The following NTM variants were observed in gnomAD, a reference collection of about 807,000 sequenced individuals.
NTM encodes IgLON family member 2.
Under a neutral mutation model 42.1 loss-of-function variants are expected in NTM, and 13 were observed. The observed-to-expected ratio is 0.31, with a 90% CI of 0.20 to 0.49. The LOEUF is 0.49. NTM is among the 20% of genes least tolerant of loss of function. The probability of loss-of-function intolerance (pLI) is 0.99; values close to 1 mark genes in which losing one functional copy is unlikely to be tolerated. For missense variants in NTM, 373 were observed against 452.8 expected, an observed-to-expected ratio of 0.82 and a Z score of 1.60; for synonymous variants, 187 against 179.2, an observed-to-expected ratio of 1.04 and a Z score of -0.35.
Position 132,244,001 on chromosome 11 carries a change from G to C in NTM, c.526+31854G>C, listed in dbSNP as rs73040288. 1.3e-4 allele frequency among the ~76,000 whole-genome samples: 20 copies of C among 152,322 alleles called. No homozygotes were observed. The South Asian group carries it at 4.1e-3, about 32-fold the overall frequency. Reference sequence around the variant, plus strand: ...GCCATCCCGTCTCATGGGCTCTCATGATGGGCTCATCAGGTTCTTGAATTC... The same window carrying C: ...GCCATCCCGTCTCATGGGCTCTCATCATGGGCTCATCAGGTTCTTGAATTC... On this transcript the variant is annotated intron_variant, in intron 4 of 8. Coordinates refer to ENST00000683400, the MANE Select transcript of NTM (RefSeq NM_001352005.2).
At chr11:132,303,694 G>T (rs1191692798) in intron 4 of NTM, among the ~76,000 whole-genome samples, 1 of 140,132 alleles carries the variant, frequency 7.1e-6, no homozygotes, top group Non-Finnish European at 1.5e-5. Context: ...GATAGATAGG[G>T]CACAGCTTTC....
At chr11:132,073,741 A>G (rs375458596) in intron 2 of NTM, among the ~76,000 whole-genome samples, 10 of 152,170 alleles carry the variant, frequency 6.6e-5, no homozygotes, top group Non-Finnish European at 1.5e-4. Context: ...CGGAGGTCAG[A>G]GTAAATCCTG....
intron 1 of NTM, among the ~76,000 whole-genome samples, chr11:131,506,669 C>T (rs1301806545): frequency 6.6e-6 from 1 of 152,146 alleles, no homozygotes; most frequent in African/African-American, 2.4e-5. Flanking sequence ...CAGGGCACAG[C>T]CCTAGGGCCT....
At position 132,104,617 on chromosome 11, in the gene NTM, C is replaced by CATA. The variant is rs59478253; in HGVS notation, c.168-41653_168-41651dup. Reference sequence around the variant, plus strand: ...AATAATAATAACTAATAGTAATAATCATAATAATAATAATGGGTGTGGTAG... The same window carrying CATA: ...AATAATAATAACTAATAGTAATAATCATAATAATAATAATAATGGGTGTGGTAG... On this transcript the variant is annotated intron_variant, in intron 2 of 8. Coordinates refer to ENST00000683400, the MANE Select transcript of NTM (RefSeq NM_001352005.2). 8.0e-4 allele frequency among the ~76,000 whole-genome samples: 118 copies of CATA among 148,142 alleles called. 1 individual carries two copies. Among genetic ancestry groups the CATA allele is most frequent in the Non-Finnish European group, 1.0e-3 (69 of 67,408 alleles).
chr11:131,569,027 C>G (rs532781950), intron 1 of NTM, among the ~76,000 whole-genome samples: 1 of 152,176 alleles, frequency 6.6e-6, no homozygotes, highest in Non-Finnish European at 1.5e-5. Flanking sequence ...AGAACATTTT[C>G]GTTATCCAGA....
chr11:131,911,329 T>C, intron 1 of NTM: 1 of 1,474,570 alleles, frequency 6.8e-7, no homozygotes, highest in African/African-American at 1.4e-5. Context: ...CTCGGAGGAG[T>C]CTGCGCGCTT....
At chr11:132,286,661 G>C (rs956181338) in intron 4 of NTM, among the ~76,000 whole-genome samples, 3 of 152,088 alleles carry the variant, frequency 2.0e-5, no homozygotes, top group Non-Finnish European at 4.4e-5. Context: ...GGGGATATTC[G>C]AATATGCATG....
At chr11:131,937,446 G>T (rs1241815140) in intron 2 of NTM, among the ~76,000 whole-genome samples, 2 of 152,194 alleles carry the variant, frequency 1.3e-5, no homozygotes, top group Admixed American at 6.5e-5. Flanking sequence ...ACAGGTATTG[G>T]TGGGTGGGGG....
At chr11:131,428,238 C>T (rs1268691479) in intron 1 of NTM, among the ~76,000 whole-genome samples, 3 of 152,158 alleles carry the variant, frequency 2.0e-5, no homozygotes, top group South Asian at 2.1e-4. Flanking sequence ...TGTTGGTACG[C>T]CTGTCACTCT....
intron 2 of NTM, among the ~76,000 whole-genome samples, chr11:132,073,189 G>C (rs963673620): frequency 6.6e-6 from 1 of 152,104 alleles, no homozygotes; most frequent in Non-Finnish European, 1.5e-5. Context: ...TATTAACAAC[G>C]AGGAGCCAAA....
chr11:132,309,358 C>A (rs1217231839), intron 5 of NTM, among the ~76,000 whole-genome samples: 9 of 152,166 alleles, frequency 5.9e-5, no homozygotes, highest in Admixed American at 5.9e-4. Context: ...ATCTGTATAT[C>A]CTTCAGGCAA....
At chr11:131,592,920 G>T (rs1321981674) in intron 1 of NTM, among the ~76,000 whole-genome samples, 1 of 152,052 alleles carries the variant, frequency 6.6e-6, no homozygotes, top group East Asian at 1.9e-4. Context: ...CTCCGGCCAC[G>T]TCTGGCAGCT....
At chr11:131,495,414 G>C (rs1366573802) in intron 1 of NTM, among the ~76,000 whole-genome samples, 4 of 152,228 alleles carry the variant, frequency 2.6e-5, no homozygotes, top group African/African-American at 9.6e-5. Flanking sequence ...TGCTGATTGG[G>C]AGCTGTGGCC....
chr11:131,943,986 A>G (rs2060081950), intron 2 of NTM, among the ~76,000 whole-genome samples: 1 of 152,192 alleles, frequency 6.6e-6, no homozygotes, highest in South Asian at 2.1e-4. Flanking sequence ...AGAACTTTAT[A>G]AAAGCCATAT....
chr11:131,956,579 G>A (rs1024321688), intron 2 of NTM, among the ~76,000 whole-genome samples: 3 of 151,552 alleles, frequency 2.0e-5, no homozygotes, highest in Non-Finnish European at 4.4e-5. Flanking sequence ...CCGAGACTGG[G>A]TTCCTTTCAT....
At chr11:131,441,087 A>C (rs1459188325) in intron 1 of NTM, among the ~76,000 whole-genome samples, 3 of 152,122 alleles carry the variant, frequency 2.0e-5, no homozygotes, top group African/African-American at 7.2e-5. Context: ...ATTGGGAGGA[A>C]GTAGAAGTTA....
At chr11:131,942,796 A>C (rs2059936823) in intron 2 of NTM, among the ~76,000 whole-genome samples, 1 of 151,946 alleles carries the variant, frequency 6.6e-6, no homozygotes, top group Admixed American at 6.6e-5. Context: ...AAACGCAAAA[A>C]TTAGCTGGGC....
chr11:131,812,640 G>A (rs2092786886), intron 1 of NTM, among the ~76,000 whole-genome samples: 1 of 152,138 alleles, frequency 6.6e-6, no homozygotes, highest in Admixed American at 6.5e-5. Flanking sequence ...AAATGCCTGA[G>A]AGGAGCTAGG....
chr11:131,559,602 A>G (rs1053249524), intron 1 of NTM, among the ~76,000 whole-genome samples: 7 of 152,234 alleles, frequency 4.6e-5, no homozygotes, highest in African/African-American at 1.4e-4. Flanking sequence ...TGAGTTCTAT[A>G]TGAGTCAAAA....
Sources: allele counts gnomAD v4.1 joint callset (sites outside exome capture counted in the v4.1 genomes callset), GRCh38; gene constraint gnomAD v4.1.1; transcripts MANE v1.5; gene names NCBI Gene and HGNC (gene_info 2026-07-23, HGNC 2026-07-21).